Variants in PLXDC2 observed in about 807,000 individuals in gnomAD.
PLXDC2 encodes the protein plexin domain-containing protein 2.
PLXDC2 carries 40 observed loss-of-function variants against 68.9 expected under a neutral mutation model. That is an observed-to-expected ratio of 0.58 (90% CI 0.45 to 0.76). PLXDC2 has a LOEUF of 0.76. Among genes scored for constraint, PLXDC2 ranks in the 30% least tolerant of loss-of-function variants. The probability of loss-of-function intolerance (pLI) is 0.00; values close to 1 mark genes in which losing one functional copy is unlikely to be tolerated. For missense variants in PLXDC2, 644 were observed against 661.9 expected, an observed-to-expected ratio of 0.97 and a Z score of 0.30; for synonymous variants, 243 against 234.2, an observed-to-expected ratio of 1.04 and a Z score of -0.34.
intron 4 of PLXDC2, 110 bp from the exon 5 acceptor site, chr10:20,143,177 TCCAGCTAC>T: frequency 9.3e-7 from 1 of 1,079,738 alleles, no homozygotes; most frequent in Non-Finnish European, 1.3e-6. Flanking sequence ...TTCCTTTTTT[TCCAGCTAC>T]CATGACATTT....
At chr10:19,993,057 C>G (rs1438808124) in intron 1 of PLXDC2, among the ~76,000 whole-genome samples, 2 of 152,140 alleles carry the variant, frequency 1.3e-5, no homozygotes, top group Non-Finnish European at 2.9e-5. Flanking sequence ...ATTCCCTCAT[C>G]TGTAAAATGG....
intron 1 of PLXDC2, among the ~76,000 whole-genome samples, chr10:19,832,552 G>A (rs1312971313): frequency 6.6e-6 from 1 of 152,168 alleles, no homozygotes; most frequent in Non-Finnish European, 1.5e-5. Flanking sequence ...TCTTTGTAAA[G>A]TTCAATTTGC....
chr10:20,136,420 C>T (rs1044046667), intron 4 of PLXDC2, among the ~76,000 whole-genome samples: 2 of 152,152 alleles, frequency 1.3e-5, no homozygotes, highest in African/African-American at 2.4e-5. Context: ...AAATAGAACT[C>T]GTGCAAAACA....
At chr10:20,201,783 G>A (rs1219419467) in intron 9 of PLXDC2, among the ~76,000 whole-genome samples, 2 of 151,978 alleles carry the variant, frequency 1.3e-5, no homozygotes, top group Admixed American at 6.6e-5. Flanking sequence ...TCCTCTCAAA[G>A]GATATTTATG....
In PLXDC2 at chr10:19,941,965, A is replaced by T. The variant is rs577606739; in HGVS notation, c.113-59810A>T. 6.7e-5 allele frequency among the ~76,000 whole-genome samples: 10 copies of T among 149,580 alleles called. No homozygotes were observed. In the South Asian group the frequency reaches 2.1e-3, roughly 32 times the overall value. On this transcript the variant is annotated intron_variant, in intron 1 of 13. Transcript: ENST00000377252. ...GTATTGTGTTTGTTTCCAGCCTTTG[A>T]CATTTAGAGAAAAAAAAAAAAAAAA...
chr10:20,289,357 T>A lies in PLXDC2; in HGVS notation c.*9538T>A, dbSNP rs1836200562. ...CTCCTGGATCAGACAGATGGGATTT[T>A]AGCTGCTGCTTTAAATCCTAGTGCT... On this transcript the variant is annotated 3_prime_UTR_variant, in exon 14 of 14. Transcript: ENST00000377252. 1 of 152,238 alleles carries A rather than the reference T, an allele frequency of 6.6e-6. No homozygotes were observed. The allele number at this position is 152,238 out of a possible 1,614,324, so 9.4% of individuals were successfully genotyped here.
chr10:20,255,944 T>C (rs1412960085), intron 13 of PLXDC2, among the ~76,000 whole-genome samples: 4 of 152,104 alleles, frequency 2.6e-5, no homozygotes, highest in African/African-American at 9.7e-5. Flanking sequence ...AATTCATACA[T>C]CCTGTCTTAC....
At chr10:20,125,054 G>A (rs535735766) in intron 4 of PLXDC2, among the ~76,000 whole-genome samples, 2 of 152,116 alleles carry the variant, frequency 1.3e-5, no homozygotes, top group Non-Finnish European at 2.9e-5. Flanking sequence ...CATTTGGATA[G>A]GACAACTCTT....
intron 1 of PLXDC2, among the ~76,000 whole-genome samples, chr10:19,867,051 T>C (rs1384757920): frequency 6.8e-6 from 1 of 146,376 alleles, no homozygotes; most frequent in African/African-American, 2.6e-5. Flanking sequence ...TGGAATTCGG[T>C]CCTCCTTTCC....
chr10:20,156,501 C>T (rs1834219496), intron 6 of PLXDC2, among the ~76,000 whole-genome samples: 2 of 152,190 alleles, frequency 1.3e-5, no homozygotes, highest in Admixed American at 6.5e-5. Context: ...TGTGCACCCT[C>T]CAATTTCTCC....
chr10:19,926,794 T>A (rs1462205628), intron 1 of PLXDC2, among the ~76,000 whole-genome samples: 1 of 152,216 alleles, frequency 6.6e-6, no homozygotes, highest in Admixed American at 6.5e-5. Flanking sequence ...CTATGTGGTG[T>A]AGCAATGAGA....
chr10:20,225,950 T>G (rs1187622586), intron 12 of PLXDC2, among the ~76,000 whole-genome samples: 1 of 152,210 alleles, frequency 6.6e-6, no homozygotes, highest in African/African-American at 2.4e-5. Flanking sequence ...ATGGTAGTTC[T>G]GGGGTGAAGC....
Position 20,139,743 on chromosome 10 carries a change from C to T in PLXDC2, c.542-3552C>T, listed in dbSNP as rs367622003. Among the ~76,000 whole-genome samples, 15 of 150,782 alleles carry T rather than the reference C, an allele frequency of 9.9e-5. No individual in the cohort carries two copies. In the East Asian group the frequency reaches 1.8e-3, roughly 18 times the overall value. On this transcript the variant is annotated intron_variant, in intron 4 of 13. Transcript: ENST00000377252. ...GCTGGAAACCATCATTCTCAGCAAA[C>T]TAATACAGGAACAGAAAACCAAACA... is the stretch of plus-strand genomic sequence containing the variant.
At chr10:20,203,865 T>G (rs1318345685) in intron 9 of PLXDC2, among the ~76,000 whole-genome samples, 1 of 152,200 alleles carries the variant, frequency 6.6e-6, no homozygotes, top group African/African-American at 2.4e-5. Flanking sequence ...AGTTCTTGTA[T>G]TCTGCAGATA....
chr10:19,964,494 G>A (rs928190761), intron 1 of PLXDC2, among the ~76,000 whole-genome samples: 3 of 152,054 alleles, frequency 2.0e-5, no homozygotes, highest in Admixed American at 6.5e-5. Context: ...ACTCAAAAGA[G>A]CAATACACTG....
chr10:19,830,067 A>G (rs915648663), intron 1 of PLXDC2, among the ~76,000 whole-genome samples: 3 of 152,210 alleles, frequency 2.0e-5, no homozygotes, highest in African/African-American at 7.2e-5. Flanking sequence ...TTCTCTGGAG[A>G]GAATTCCATA....
chr10:19,838,468 T>C (rs1836840021), intron 1 of PLXDC2, among the ~76,000 whole-genome samples: 1 of 152,218 alleles, frequency 6.6e-6, no homozygotes, highest in Non-Finnish European at 1.5e-5. Flanking sequence ...ATCAGAGCAA[T>C]TTAAGTCCAA....
intron 2 of PLXDC2, among the ~76,000 whole-genome samples, chr10:20,024,430 G>A (rs1189010080): frequency 1.3e-5 from 2 of 152,130 alleles, no homozygotes; most frequent in African/African-American, 4.8e-5. Context: ...TGATTCCAAG[G>A]AATATTTATT....
chr10:19,856,365 A>G (rs1318415864), intron 1 of PLXDC2, among the ~76,000 whole-genome samples: 1 of 132,036 alleles, frequency 7.6e-6, no homozygotes, highest in African/African-American at 2.9e-5. Context: ...TACACACACA[A>G]ACACACACAC....
Sources: allele counts gnomAD v4.1 joint callset (sites outside exome capture counted in the v4.1 genomes callset), GRCh38; gene constraint gnomAD v4.1.1; transcripts MANE v1.5; gene names NCBI Gene and HGNC (gene_info 2026-07-23, HGNC 2026-07-21).